The following NRXN1 variants were observed in gnomAD, a reference collection of about 807,000 sequenced individuals.
NRXN1 encodes the protein neurexin 1.
NRXN1 carries 39 observed loss-of-function variants against 150.9 expected under a neutral mutation model. The observed-to-expected ratio is 0.26, with a 90% confidence interval of 0.20 to 0.34. The LOEUF (loss-of-function observed/expected upper bound fraction) is 0.34. Ranked by LOEUF, NRXN1 falls within the 10% of genes least tolerant of loss-of-function variation. The pLI is 1.00. For synonymous variants in NRXN1, 924 were observed against 757.0 expected (o/e 1.22, Z -3.62); for missense variants, 1,815 against 1,949.9 (o/e 0.93, Z 1.30).
At chr2:50,763,002 A>G (rs999321804) in intron 5 of NRXN1, among the ~76,000 whole-genome samples, 1 of 151,884 alleles carries the variant, frequency 6.6e-6, no homozygotes, top group African/African-American at 2.4e-5. Context: ...TAAATAGGCT[A>G]CTTACCTTTT....
chr2:50,283,452 T>C (rs1004133212), intron 17 of NRXN1, among the ~76,000 whole-genome samples: 4 of 152,292 alleles, frequency 2.6e-5, no homozygotes, highest in East Asian at 1.9e-4. Context: ...AAAATACATA[T>C]GCCAAAATGA....
chr2:50,848,655 T>C (rs1674050895), intron 5 of NRXN1, among the ~76,000 whole-genome samples: 1 of 152,148 alleles, frequency 6.6e-6, no homozygotes, highest in African/African-American at 2.4e-5. Flanking sequence ...CTTTGTATAA[T>C]TTATTTTGCT....
Position 50,053,421 on chromosome 2 carries a change from C to T in NRXN1, c.3978G>A (p.Leu1326=). The T allele has an allele frequency of 6.2e-7, 1 of 1,614,002 alleles. No homozygotes were observed. The highest frequency in any genetic ancestry group is 8.5e-7 in the Non-Finnish European group (1 of 1,179,922). ...TCATAGAGGAAGGCACTTCACCAAC[C>T]AGTCTCACATTTCCCACTATGGCGA... The part of the protein sequence containing the change: ...ANIAIVGNVR[L]VGEVPSSMTT... The change falls in exon 21 of 23, where the codon CTG becomes CTA. Residue 1326 remains leucine, a synonymous_variant. Coordinates refer to ENST00000401669, the MANE Select transcript of NRXN1 (RefSeq NM_001330078.2).
At chr2:50,186,831 T>C (rs1325754780) in intron 18 of NRXN1, among the ~76,000 whole-genome samples, 1 of 152,108 alleles carries the variant, frequency 6.6e-6, no homozygotes, top group Non-Finnish European at 1.5e-5. Flanking sequence ...AGATACACAA[T>C]CTTTTAAAAA....
At chr2:50,260,685 G>C (rs1052337472) in intron 17 of NRXN1, among the ~76,000 whole-genome samples, 2 of 124,712 alleles carry the variant, frequency 1.6e-5, no homozygotes, top group South Asian at 2.6e-4. Context: ...AATAAGATTA[G>C]TCACAGACCT....
intron 17 of NRXN1, among the ~76,000 whole-genome samples, chr2:50,294,860 G>C (rs114596216): frequency 1.5e-3 from 229 of 152,282 alleles, no homozygotes; most frequent in African/African-American, 5.4e-3. Context: ...TCCTGGGAAA[G>C]TTTAAATTAC....
chr2:50,906,735 T>G (rs1296283474), intron 5 of NRXN1, among the ~76,000 whole-genome samples: 2 of 152,126 alleles, frequency 1.3e-5, no homozygotes, highest in Admixed American at 1.3e-4. Flanking sequence ...TCTTACATAC[T>G]TACATTATGC....
intron 14 of NRXN1, among the ~76,000 whole-genome samples, chr2:50,497,051 G>A (rs985441802): frequency 6.6e-6 from 1 of 152,126 alleles, no homozygotes; most frequent in Non-Finnish European, 1.5e-5. Flanking sequence ...GTCAGGAAAT[G>A]CCCATTTGAA....
At chr2:50,823,618 C>A (rs1289405657) in intron 5 of NRXN1, among the ~76,000 whole-genome samples, 4 of 152,030 alleles carry the variant, frequency 2.6e-5, no homozygotes, top group Admixed American at 6.6e-5. Flanking sequence ...ACCTTAAGTA[C>A]AAAGTGTTTT....
rs566441854 is a variant in NRXN1 at position 50,488,956 on chromosome 2, C to T, written c.3070+6949G>A. On this transcript the variant is annotated intron_variant, in intron 15 of 22. Transcript: ENST00000401669. ...GACGATGAGGTCTTGTGAGCAGTCA[C>T]CTGACCTTTGAGAACTCAGCTCTGA... Among the ~76,000 whole-genome samples, 3 of 152,270 alleles carry T rather than the reference C, an allele frequency of 2.0e-5. No homozygotes were observed. In the South Asian group the frequency reaches 6.2e-4, roughly 32 times the overall value.
At chr2:50,879,430 G>A (rs1343057910) in intron 5 of NRXN1, among the ~76,000 whole-genome samples, 1 of 151,886 alleles carries the variant, frequency 6.6e-6, no homozygotes, top group African/African-American at 2.4e-5. Context: ...AGTCAAGAGA[G>A]TATCATTTCA....
intron 21 of NRXN1, among the ~76,000 whole-genome samples, chr2:49,981,930 G>T (rs1680057384): frequency 6.6e-6 from 1 of 152,040 alleles, no homozygotes; most frequent in African/African-American, 2.4e-5. Flanking sequence ...AAAGTGTCTG[G>T]ACCCACCCTG....
At chr2:50,493,552 A>G (rs990480353) in intron 15 of NRXN1, among the ~76,000 whole-genome samples, 2 of 152,126 alleles carry the variant, frequency 1.3e-5, no homozygotes, top group Admixed American at 1.3e-4. Flanking sequence ...ATAAATACTC[A>G]TGCTCTGGCC....
intron 5 of NRXN1, among the ~76,000 whole-genome samples, chr2:50,874,270 C>T (rs559402364): frequency 1.2e-4 from 18 of 151,922 alleles, no homozygotes; most frequent in African/African-American, 4.1e-4. Flanking sequence ...TCCCTAGCAC[C>T]GTTATCTCAG....
At chr2:50,554,696 G>A (rs4140731) in intron 8 of NRXN1, among the ~76,000 whole-genome samples, 62,325 of 151,948 alleles carry the variant, frequency 0.41, 14,583 homozygotes, top group African/African-American at 0.64. Context: ...TTTATCCATA[G>A]GAAAACATTT....
At chr2:50,149,529 C>T (rs2058576065) in intron 18 of NRXN1, among the ~76,000 whole-genome samples, 2 of 151,604 alleles carry the variant, frequency 1.3e-5, no homozygotes, top group African/African-American at 4.8e-5. Flanking sequence ...CCATAAGTGA[C>T]ACCCTCAGCA....
Position 50,554,691 on chromosome 2 carries a change from CCATAGG to C in NRXN1, c.1321-1672_1321-1667del, listed in dbSNP as rs1667982446. Reference sequence around the variant, plus strand: ...ACACAGATTTTAATTCTAAATTTATCCATAGGAAAACATTTAGAAATAAAGCCCACA... The same window carrying C: ...ACACAGATTTTAATTCTAAATTTATCAAAACATTTAGAAATAAAGCCCACA... On this transcript the variant is annotated intron_variant, in intron 8 of 22. Transcript: ENST00000401669. Among the ~76,000 whole-genome samples, 4 of 152,188 alleles carry C rather than the reference CCATAGG, an allele frequency of 2.6e-5. No individual in the cohort carries two copies. In the East Asian group the frequency reaches 7.7e-4, roughly 29 times the overall value.
intron 13 of NRXN1, among the ~76,000 whole-genome samples, chr2:50,498,644 G>T (rs982947469): frequency 1.3e-5 from 2 of 152,062 alleles, no homozygotes; most frequent in East Asian, 3.9e-4. Flanking sequence ...TTTATCTCCA[G>T]AGTGATCATT....
Position 50,252,336 on chromosome 2 carries a change from G to A in NRXN1, c.3365-15366C>T, listed in dbSNP as rs1452981244. Among the ~76,000 whole-genome samples, 3 of 130,258 alleles carry A rather than the reference G, an allele frequency of 2.3e-5. No homozygotes were observed. In the Admixed American group the frequency reaches 2.9e-4, roughly 12 times the overall value. The allele number at this position is 130,258 out of a possible 152,430, so 85.5% of individuals were successfully genotyped here. A position where few individuals can be genotyped will look rare whatever the true frequency, so the allele number is the denominator to read the frequency against. On this transcript the variant is annotated intron_variant, in intron 17 of 22. Coordinates refer to ENST00000401669, the MANE Select transcript of NRXN1 (RefSeq NM_001330078.2). ...ATGCAGTGCGTGATCTTGGCTCACT[G>A]CAACCTCTGTCTCTTGGGTTCAAGT...
Sources: allele counts gnomAD v4.1 joint callset (sites outside exome capture counted in the v4.1 genomes callset), GRCh38; gene constraint gnomAD v4.1.1; transcripts MANE v1.5; gene names NCBI Gene and HGNC (gene_info 2026-07-23, HGNC 2026-07-21).